The following CHST8 variants were observed in gnomAD, a reference collection of about 807,000 sequenced individuals.
CHST8 encodes carbohydrate sulfotransferase 8.
A neutral mutation model predicts 15.0 loss-of-function variants in CHST8; 10 were observed. The observed-to-expected ratio is 0.67, with a 90% CI of 0.41 to 1.13. The LOEUF (loss-of-function observed/expected upper bound fraction) is 1.13, where lower values mean the gene tolerates loss of function less well. Ranked by LOEUF, CHST8 falls within the 50% of genes most tolerant of loss-of-function variation. The pLI, the probability that CHST8 is intolerant of heterozygous loss-of-function variation, is 0.00. For synonymous variants in CHST8, 259 were observed against 256.6 expected (o/e 1.01, Z -0.09); for missense variants, 634 against 608.2 (o/e 1.04, Z -0.45).
At chr19:33,705,357 T>G (rs1372207250) in intron 3 of CHST8, among the ~76,000 whole-genome samples, 1 of 152,202 alleles carries the variant, frequency 6.6e-6, no homozygotes, top group Non-Finnish European at 1.5e-5. Flanking sequence ...ACCTGTTCAC[T>G]GTTCAGGTCA....
intron 2 of CHST8, among the ~76,000 whole-genome samples, chr19:33,685,958 A>C (rs1009038129): frequency 6.6e-6 from 1 of 152,148 alleles, no homozygotes; most frequent in African/African-American, 2.4e-5. Context: ...ACTGCTGGCC[A>C]GTTACCCAGG....
chr19:33,733,246 T>C (rs369789893), intron 3 of CHST8, among the ~76,000 whole-genome samples: 330 of 150,784 alleles, frequency 2.2e-3, no homozygotes, highest in Middle Eastern at 0.017. Context: ...TTTTTTTTTT[T>C]TTTTTGAGAT....
At chr19:33,765,631 C>T (rs563015348) in intron 3 of CHST8, among the ~76,000 whole-genome samples, 67 of 151,792 alleles carry the variant, frequency 4.4e-4, no homozygotes, top group African/African-American at 1.4e-3. Flanking sequence ...GCGCGATCTC[C>T]GCTCACTGCA....
intron 1 of CHST8, among the ~76,000 whole-genome samples, chr19:33,645,989 A>T (rs756057221): frequency 6.6e-6 from 1 of 152,088 alleles, no homozygotes; most frequent in East Asian, 1.9e-4. Context: ...TTAGCTGGGC[A>T]TGCTGGTACA....
intron 3 of CHST8, among the ~76,000 whole-genome samples, chr19:33,734,375 TCCTTTA>T (rs1391133295): frequency 2.0e-5 from 3 of 152,158 alleles, no homozygotes; most frequent in African/African-American, 4.8e-5. Flanking sequence ...CATTCTTCAT[TCCTTTA>T]CTTCTTAATA....
At chr19:33,653,819 C>T (rs1972477276) in intron 1 of CHST8, among the ~76,000 whole-genome samples, 1 of 152,172 alleles carries the variant, frequency 6.6e-6, no homozygotes. Flanking sequence ...GATACTGGCA[C>T]ATGGTCAGCT....
chr19:33,705,004 A>G (rs1199151179), intron 3 of CHST8, among the ~76,000 whole-genome samples: 1 of 151,988 alleles, frequency 6.6e-6, no homozygotes, highest in African/African-American at 2.4e-5. Context: ...GTGTTTTTTA[A>G]CGTTAGATAA....
intron 3 of CHST8, among the ~76,000 whole-genome samples, chr19:33,753,406 ACCACCCACCTTCCTCCCACCAC>A (rs1974460150): frequency 9.0e-6 from 1 of 111,204 alleles, no homozygotes; most frequent in Non-Finnish European, 1.9e-5. Flanking sequence ...CCCCCTACCA[ACCACCCACCTTCCTCCCACCAC>A]CCACCCTCCA....
At chr19:33,685,360 T>G (rs1323868037) in intron 2 of CHST8, among the ~76,000 whole-genome samples, 1 of 152,000 alleles carries the variant, frequency 6.6e-6, no homozygotes, top group African/African-American at 2.4e-5. Context: ...GGATCTTTTT[T>G]TTTTTTTTTC....
At chr19:33,684,375 C>T (rs1972938665) in intron 2 of CHST8, among the ~76,000 whole-genome samples, 1 of 152,214 alleles carries the variant, frequency 6.6e-6, no homozygotes, top group Non-Finnish European at 1.5e-5. Context: ...CAAGGCCCGG[C>T]TCTGGGGATT....
chr19:33,713,446 G>A (rs1261342672), intron 3 of CHST8, among the ~76,000 whole-genome samples: 1 of 152,140 alleles, frequency 6.6e-6, no homozygotes, highest in Non-Finnish European at 1.5e-5. Flanking sequence ...CCAAGCAGCT[G>A]CCCACTTCCC....
chr19:33,741,588 A>G (rs563960361), intron 3 of CHST8, among the ~76,000 whole-genome samples: 1 of 152,114 alleles, frequency 6.6e-6, no homozygotes, highest in Non-Finnish European at 1.5e-5. Flanking sequence ...GATAGAGTTT[A>G]TGGGATTCTG....
At position 33,773,368 on chromosome 19, in the gene CHST8, G is replaced by T. The variant is rs897696560; in HGVS notation, c.*305G>T. 9.6e-6 allele frequency: 4 copies of T among 418,216 alleles called. No individual in the cohort carries two copies. The highest frequency in any genetic ancestry group is 4.2e-5 in the East Asian group (1 of 23,994). 25.9% of individuals were successfully genotyped at this position (418,216 alleles called of 1,614,324 possible). A position where few individuals can be genotyped will look rare whatever the true frequency, so the allele number is the denominator to read the frequency against. ...CAGGGAAGTCTGAGGCCCAGAGGAC[G>T]GGGGGCCCAGCGGTAAGGGATGTCC... On this transcript the variant is annotated 3_prime_UTR_variant, in exon 5 of 5. Transcript: ENST00000650847.
intron 1 of CHST8, among the ~76,000 whole-genome samples, chr19:33,666,164 C>A (rs1972657756): frequency 6.6e-6 from 1 of 152,212 alleles, no homozygotes. Flanking sequence ...GGAGATGGAG[C>A]AGTCTTATCT....
At chr19:33,634,289 G>A (rs981542206) in intron 1 of CHST8, among the ~76,000 whole-genome samples, 10 of 152,168 alleles carry the variant, frequency 6.6e-5, no homozygotes, top group African/African-American at 2.4e-4. Context: ...GTATCACACC[G>A]TGGTTTTAAT....
chr19:33,650,513 C>CTTTT (rs1356639318), intron 1 of CHST8, among the ~76,000 whole-genome samples: 5 of 36,832 alleles, frequency 1.4e-4, no homozygotes, highest in African/African-American at 4.0e-4. Context: ...TTTTCTTTTT[C>CTTTT]TTTTCTTTTT....
chr19:33,687,562 C>T (rs868344629), intron 2 of CHST8, among the ~76,000 whole-genome samples: 4 of 152,136 alleles, frequency 2.6e-5, no homozygotes, highest in African/African-American at 9.7e-5. Flanking sequence ...ACCAACTGCT[C>T]GGCACAGTCC....
At chr19:33,673,847 G>A (rs766025404) in intron 2 of CHST8, among the ~76,000 whole-genome samples, 6 of 152,162 alleles carry the variant, frequency 3.9e-5, no homozygotes, top group African/African-American at 7.2e-5. Context: ...TCCACCTCCC[G>A]GGTTCCAGCG....
intron 1 of CHST8, among the ~76,000 whole-genome samples, chr19:33,660,641 C>T (rs764191280): frequency 2.0e-5 from 3 of 152,206 alleles, no homozygotes; most frequent in Non-Finnish European, 4.4e-5. Flanking sequence ...AGTTGCCGCC[C>T]CTTTCACATC....
Sources: gnomAD v4.1 joint callset for allele counts (sites outside exome capture counted in the v4.1 genomes callset) on GRCh38, gnomAD v4.1.1 for gene constraint, MANE v1.5 for transcripts, NCBI Gene and HGNC (gene_info 2026-07-23, HGNC 2026-07-21) for gene names.